Variants in FGF13 observed in about 807,000 individuals in gnomAD.
FGF13 encodes the protein fibroblast growth factor 13.
In FGF13, 2 loss-of-function variants were observed where a neutral mutation model predicts 19.5. The ratio of observed to expected loss-of-function variants is 0.10; its 90% confidence interval spans 0.04 to 0.32. FGF13 has a LOEUF of 0.32. Among genes scored for constraint, FGF13 ranks in the 10% least tolerant of loss-of-function variants. The probability of loss-of-function intolerance (pLI) is 1.00; values close to 1 mark genes in which losing one functional copy is unlikely to be tolerated. For missense variants in FGF13, 113 were observed against 192.7 expected, an observed-to-expected ratio of 0.59 and a Z score of 2.45; for synonymous variants, 72 against 76.9, an observed-to-expected ratio of 0.94 and a Z score of 0.33.
chrX:139,065,688 C>A (rs748388576), intron 1 of FGF13, among the ~76,000 whole-genome samples: 2 of 110,139 alleles, frequency 1.8e-5, no homozygotes, highest in Non-Finnish European at 3.8e-5. Flanking sequence ...TTCTTAGAGA[C>A]CTACAAAGAG....
At chrX:139,160,253 C>T (rs1378593572) in intron 1 of FGF13, among the ~76,000 whole-genome samples, 2 of 111,933 alleles carry the variant, frequency 1.8e-5, no homozygotes, top group Non-Finnish European at 3.8e-5. Flanking sequence ...GGGTAAATAA[C>T]GAAATGAAGG....
chrX:138,925,971 G>A (rs2124250895), intron 1 of FGF13, among the ~76,000 whole-genome samples: 1 of 111,745 alleles, frequency 8.9e-6, no homozygotes, highest in Admixed American at 9.5e-5. Flanking sequence ...TTGGATGAGG[G>A]CCTTTGCATA....
chrX:138,955,158 A>G (rs759639832), intron 1 of FGF13, among the ~76,000 whole-genome samples: 2 of 112,945 alleles, frequency 1.8e-5, no homozygotes, highest in Non-Finnish European at 3.7e-5. Flanking sequence ...ATTTTGACAC[A>G]CTCAGGTCCT....
At chrX:138,846,215 G>A (rs899274644) in intron 3 of FGF13, among the ~76,000 whole-genome samples, 1 of 109,711 alleles carries the variant, frequency 9.1e-6, no homozygotes, top group African/African-American at 3.3e-5. Context: ...GTGTGTGTGT[G>A]TGTGTGTATT....
chrX:138,711,444 C>CGGGCGGGAGAGA lies in FGF13; in HGVS notation c.-453_-442dup. 1 of 693,140 alleles carries CGGGCGGGAGAGA rather than the reference C, an allele frequency of 1.4e-6. No individual in the cohort carries two copies. The highest frequency in any genetic ancestry group is 1.7e-6 in the Non-Finnish European group (1 of 583,591). The allele number at this position is 693,140 out of a possible 1,213,427, so 57.1% of individuals were successfully genotyped here. A position where few individuals can be genotyped will look rare whatever the true frequency, so the allele number is the denominator to read the frequency against. ...GGGAGGCGGGCGGAGGGAGTGAGCG[C>CGGGCGGGAGAGA]GGGCGGGAGAGAGGCCGGGAGCTCG... On this transcript the variant is annotated 5_prime_UTR_variant, in exon 1 of 5. Coordinates refer to ENST00000315930, the MANE Select transcript of FGF13 (RefSeq NM_004114.5).
intron 1 of FGF13, among the ~76,000 whole-genome samples, chrX:138,952,427 C>A (rs893133041): frequency 8.9e-6 from 1 of 111,802 alleles, no homozygotes; most frequent in African/African-American, 3.3e-5. Context: ...AAAATTAATT[C>A]AAGATGGATT....
chrX:138,669,890 G>A (rs1049785893), intron 3 of FGF13, among the ~76,000 whole-genome samples: 3 of 111,402 alleles, frequency 2.7e-5, no homozygotes, highest in African/African-American at 9.8e-5. Context: ...ATTGCTCATG[G>A]GAAACTGTTT....
chrX:138,967,664 A>C (rs2091900498), intron 1 of FGF13, among the ~76,000 whole-genome samples: 1 of 111,611 alleles, frequency 9.0e-6, no homozygotes, highest in African/African-American at 3.3e-5. Context: ...CTCAAGCCAC[A>C]ATTTTGAATA....
intron 3 of FGF13, among the ~76,000 whole-genome samples, chrX:138,780,035 C>T (rs1192987806): frequency 9.8e-6 from 1 of 101,669 alleles, no homozygotes; most frequent in Non-Finnish European, 2.0e-5. Flanking sequence ...AAAGAATTTT[C>T]AACCCAGAAT....
At chrX:139,134,282 G>C (rs1344515363) in intron 1 of FGF13, among the ~76,000 whole-genome samples, 1 of 111,404 alleles carries the variant, frequency 9.0e-6, no homozygotes, top group Non-Finnish European at 1.9e-5. Context: ...GTTTCCTCAA[G>C]CTTGATTTTA....
intron 1 of FGF13, among the ~76,000 whole-genome samples, chrX:138,889,956 T>C (rs142719907): frequency 0.049 from 5,203 of 106,479 alleles, 133 homozygotes; most frequent in Middle Eastern, 0.082. Flanking sequence ...TGAGATGCAG[T>C]CTTACTCTAT....
At chrX:138,964,622 C>T (rs1483657002) in intron 1 of FGF13, among the ~76,000 whole-genome samples, 4 of 111,774 alleles carry the variant, frequency 3.6e-5, no homozygotes, top group African/African-American at 1.3e-4. Context: ...ATTTGGCTCA[C>T]AGTTCTGCAG....
chrX:138,646,431 A>C (rs2124119234), intron 3 of FGF13, among the ~76,000 whole-genome samples: 1 of 111,775 alleles, frequency 8.9e-6, no homozygotes, highest in Non-Finnish European at 1.9e-5. Flanking sequence ...CTGAAGATCC[A>C]GGAGCTCCAA....
chrX:138,833,185 T>C (rs1020803208), intron 3 of FGF13, among the ~76,000 whole-genome samples: 3 of 112,065 alleles, frequency 2.7e-5, no homozygotes, highest in Admixed American at 9.5e-5. Flanking sequence ...AAATAGTTTC[T>C]AGTTCTATAA....
At chrX:138,731,231 A>G (rs1425942331) in intron 1 of FGF13, among the ~76,000 whole-genome samples, 2 of 111,222 alleles carry the variant, frequency 1.8e-5, no homozygotes, top group Admixed American at 9.6e-5. Context: ...ATATAAACGT[A>G]TAGAACTGAC....
Position 138,711,662 on chromosome X carries a change from G to A in FGF13, c.-659C>T. ...CGCTGTTGCTGCTGCTCTGGGCGCG[G>A]CACAGTCGCAGCACAGGAATTCAGC... On this transcript the variant is annotated 5_prime_UTR_variant, in exon 1 of 5. Coordinates refer to ENST00000315930, the MANE Select transcript of FGF13 (RefSeq NM_004114.5). 1.3e-6 allele frequency: 1 copy of A among 754,277 alleles called. No homozygotes were observed. The highest frequency in any genetic ancestry group is 1.6e-6 in the Non-Finnish European group (1 of 638,745). The allele number at this position is 754,277 out of a possible 1,213,427, so 62.2% of individuals were successfully genotyped here.
At chrX:139,097,516 T>C (rs1048516473) in intron 1 of FGF13, among the ~76,000 whole-genome samples, 2 of 108,782 alleles carry the variant, frequency 1.8e-5, no homozygotes, top group African/African-American at 6.7e-5. Flanking sequence ...GTAACAAACC[T>C]ACACATGTAC....
rs1338545719 is a variant in FGF13 at position 138,615,653 on chromosome X, T to C, written c.*17197A>G. 8.9e-6 allele frequency: 1 copy of C among 111,905 alleles called. No homozygotes were observed. The highest frequency in any genetic ancestry group is 3.2e-5 in the African/African-American group (1 of 30,783). 9.2% of individuals were successfully genotyped at this position (111,905 alleles called of 1,213,427 possible). ...TAATGCAATGGGAACAGTTGAAATA[T>C]TGGCTTGTTTACTTGCATTTGTATG... On this transcript the variant is annotated 3_prime_UTR_variant, in exon 5 of 5. Coordinates refer to ENST00000315930, the MANE Select transcript of FGF13 (RefSeq NM_004114.5).
intron 1 of FGF13, among the ~76,000 whole-genome samples, chrX:139,023,490 AAGAG>A (rs766790647): frequency 9.2e-6 from 1 of 108,935 alleles, no homozygotes; most frequent in Non-Finnish European, 1.9e-5. Context: ...GAGAGAAGGG[AAGAG>A]AGAGAGAGAG....
Sources: gnomAD v4.1 joint callset for allele counts (sites outside exome capture counted in the v4.1 genomes callset) on GRCh38, gnomAD v4.1.1 for gene constraint, MANE v1.5 for transcripts, NCBI Gene and HGNC (gene_info 2026-07-23, HGNC 2026-07-21) for gene names.